The following NOS1 variants were observed in gnomAD, a reference collection of about 807,000 sequenced individuals.
The protein encoded by NOS1 is nitric oxide synthase 1.
A neutral mutation model predicts 164.5 loss-of-function variants in NOS1; 51 were observed. The ratio of observed to expected loss-of-function variants is 0.31; its 90% confidence interval spans 0.25 to 0.39. NOS1 has a LOEUF of 0.39. Ranked by LOEUF, NOS1 falls within the 10% of genes least tolerant of loss-of-function variation. The pLI, the probability that NOS1 is intolerant of heterozygous loss-of-function variation, is 1.00. For synonymous variants in NOS1, 719 were observed against 745.8 expected (o/e 0.96, Z 0.59); for missense variants, 1,362 against 1,885.6 (o/e 0.72, Z 5.14).
At chr12:117,316,263 G>A (rs1010822933) in intron 2 of NOS1, among the ~76,000 whole-genome samples, 7 of 151,972 alleles carry the variant, frequency 4.6e-5, no homozygotes, top group African/African-American at 1.7e-4. Flanking sequence ...ACGTGGGGAA[G>A]TCTACACTCA....
At position 117,272,537 on chromosome 12, in the gene NOS1, C is replaced by T; in HGVS notation, c.1687G>A (p.Gly563Arg). The change falls in exon 10 of 29, where the codon GGG (glycine) becomes AGG (arginine). Residue 563 changes from glycine to arginine, a missense_variant. By Grantham distance (125) the Gly-to-Arg change is moderately radical (BLOSUM62 -2). Around this residue, in one of 4 missense-constraint regions of NOS1, gnomAD observed 134 missense variants for 267.3 expected, o/e 0.50. Coordinates refer to ENST00000317775, the MANE Select transcript of NOS1 (RefSeq NM_000620.5). This position sits in a 1 kb window ranked among gnomAD's most constrained non-coding sequence, Gnocchi z 4.3. ...HPKFEWFKDL[G>R]LKWYGLPAVS... ...GCGGGGAGGCCGTACCACTTCAGCC[C>T]CAGGTCCTTGAACCACTCAAACCTG... 6.2e-7 allele frequency: 1 copy of T among 1,614,154 alleles called. No homozygotes were observed. Among genetic ancestry groups the T allele is most frequent in the Non-Finnish European group, 8.5e-7 (1 of 1,180,014 alleles).
chr12:117,312,652 G>T (rs1457135241), intron 2 of NOS1, among the ~76,000 whole-genome samples: 1 of 151,558 alleles, frequency 6.6e-6, no homozygotes, highest in Non-Finnish European at 1.5e-5. Flanking sequence ...CGAACTCCTT[G>T]GTTCAAGTGG....
intron 1 of NOS1, among the ~76,000 whole-genome samples, chr12:117,347,046 G>A (rs1876386591): frequency 6.6e-6 from 1 of 152,240 alleles, no homozygotes; most frequent in Middle Eastern, 3.4e-3. Context: ...CAGCACTTTG[G>A]GAGGCCAAGG....
intron 7 of NOS1, among the ~76,000 whole-genome samples, chr12:117,284,943 G>C (rs958032523): frequency 2.0e-5 from 3 of 151,586 alleles, no homozygotes; most frequent in Admixed American, 6.6e-5. Flanking sequence ...CCAGCTACTC[G>C]GTAGGCTGAG....
In NOS1 at chr12:117,213,505, G is replaced by C. The variant is rs1206451815; in HGVS notation, c.*1804C>G. On this transcript the variant is annotated 3_prime_UTR_variant, in exon 29 of 29. Coordinates refer to ENST00000317775, the MANE Select transcript of NOS1 (RefSeq NM_000620.5). ...CAGGAACAGGACACCGGTGGGGGCT[G>C]CCAGGGATGGCAGAGCAAGGTGAGT... is the stretch of plus-strand genomic sequence containing the variant. 5.1e-6 allele frequency: 5 copies of C among 985,338 alleles called. No individual in the cohort carries two copies. The highest frequency in any genetic ancestry group is 6.0e-6 in the Non-Finnish European group (5 of 829,982). The allele number at this position is 985,338 out of a possible 1,614,324, so 61.0% of individuals were successfully genotyped here.
intron 20 of NOS1, among the ~76,000 whole-genome samples, chr12:117,240,835 C>G (rs1870104240): frequency 6.6e-6 from 1 of 152,194 alleles, no homozygotes; most frequent in African/African-American, 2.4e-5. Context: ...GGATTAGAAC[C>G]CAGGACTGCT....
chr12:117,211,503 TC>T lies in NOS1; in HGVS notation c.*3805del. The stretch of plus-strand genomic sequence containing the variant: ...CTTTTTGAAAAACATTCTTAGGGAC[TC>T]CCTGTTGCCTTCTGAATAAAGCCTA... On this transcript the variant is annotated 3_prime_UTR_variant, in exon 29 of 29. Coordinates refer to ENST00000317775, the MANE Select transcript of NOS1 (RefSeq NM_000620.5). 1.0e-6 allele frequency: 1 copy of T among 984,308 alleles called. No individual in the cohort carries two copies. The highest frequency in any genetic ancestry group is 1.7e-5 in the African/African-American group (1 of 57,312). The allele number at this position is 984,308 out of a possible 1,614,324, so 61.0% of individuals were successfully genotyped here. A position where few individuals can be genotyped will look rare whatever the true frequency, so the allele number is the denominator to read the frequency against.
chr12:117,280,438 C>T (rs1332491387), intron 8 of NOS1, among the ~76,000 whole-genome samples: 2 of 152,086 alleles, frequency 1.3e-5, no homozygotes, highest in Admixed American at 1.3e-4. Context: ...ATTTGGCAGT[C>T]TTGAGTAACT....
chr12:117,332,232 C>G (rs114953881), intron 1 of NOS1, among the ~76,000 whole-genome samples: 2 of 152,130 alleles, frequency 1.3e-5, no homozygotes, highest in Admixed American at 6.5e-5. Flanking sequence ...AGACTAAACA[C>G]GGCAGACACT....
chr12:117,276,054 G>T (rs1283835809), intron 9 of NOS1, among the ~76,000 whole-genome samples: 1 of 151,950 alleles, frequency 6.6e-6, no homozygotes, highest in Non-Finnish European at 1.5e-5. Flanking sequence ...TTTAATTTTT[G>T]TGGGTACATA....
At chr12:117,233,034 CTTTTTTTTTTTT>C (rs34474757) in intron 21 of NOS1, among the ~76,000 whole-genome samples, 2 of 88,366 alleles carry the variant, frequency 2.3e-5, no homozygotes, top group Non-Finnish European at 4.0e-5. Flanking sequence ...TGCCTCACTA[CTTTTTTTTTTTT>C]TTTTTTTTTT....
intron 3 of NOS1, among the ~76,000 whole-genome samples, chr12:117,299,367 G>C (rs540794683): frequency 6.6e-6 from 1 of 152,078 alleles, no homozygotes. Context: ...GGCCGGGCGC[G>C]GTGGCTCACG....
At chr12:117,347,374 T>TG (rs1876403045) in intron 1 of NOS1, among the ~76,000 whole-genome samples, 1 of 152,052 alleles carries the variant, frequency 6.6e-6, no homozygotes, top group African/African-American at 2.4e-5. Flanking sequence ...CTGGCTTTCT[T>TG]GGAGCCATGG....
chr12:117,358,912 G>A (rs970497030), intron 1 of NOS1, among the ~76,000 whole-genome samples: 2 of 152,228 alleles, frequency 1.3e-5, no homozygotes, highest in Admixed American at 1.3e-4. Flanking sequence ...GCCAGACTGC[G>A]TAGATGCCCA....
In NOS1 at chr12:117,243,514, T is replaced by C; in HGVS notation, c.2824-79A>G. Reference sequence around the variant, plus strand: ...TCCAACAGCTCCAAGTCATGGCATGTATCTCTTCATTCACCCATCCATCCA... The same window carrying C: ...TCCAACAGCTCCAAGTCATGGCATGCATCTCTTCATTCACCCATCCATCCA... On this transcript the variant is annotated intron_variant, in intron 18 of 28. Coordinates refer to ENST00000317775, the MANE Select transcript of NOS1 (RefSeq NM_000620.5). The surrounding 1 kb of genome is among the most constrained non-coding windows in gnomAD (Gnocchi z 4.3). The C allele has an allele frequency of 2.0e-6, 3 of 1,505,802 alleles. No homozygotes were observed. The highest frequency in any genetic ancestry group is 4.6e-5 in the East Asian group (2 of 43,614). 93.3% of individuals were successfully genotyped at this position (1,505,802 alleles called of 1,614,324 possible).
At chr12:117,288,007 G>A (rs1872815099) in intron 5 of NOS1, 67 bp downstream of exon 5, 4 of 1,592,106 alleles carry the variant, frequency 2.5e-6, no homozygotes, top group African/African-American at 2.7e-5. Flanking sequence ...GCAAAGTTGG[G>A]GCTGACATCT....
At chr12:117,299,595 C>T (rs1230825769) in intron 3 of NOS1, among the ~76,000 whole-genome samples, 2 of 148,364 alleles carry the variant, frequency 1.3e-5, no homozygotes, top group African/African-American at 2.5e-5. Flanking sequence ...GCCGAGATCG[C>T]GCCACCGCAC....
chr12:117,327,413 A>G (rs1252931526), intron 2 of NOS1, among the ~76,000 whole-genome samples: 1 of 152,170 alleles, frequency 6.6e-6, no homozygotes, highest in Non-Finnish European at 1.5e-5. Context: ...ATTTAACTCT[A>G]TGGCATGAGC....
At chr12:117,229,593 T>TATCTATCTATC (rs1491229454) in intron 22 of NOS1, among the ~76,000 whole-genome samples, 1 of 152,082 alleles carries the variant, frequency 6.6e-6, no homozygotes, top group Non-Finnish European at 1.5e-5. Context: ...TCTATCTATC[T>TATCTATCTATC]ATCTATCTAT....
Sources: gnomAD v4.1 joint callset for allele counts (sites outside exome capture counted in the v4.1 genomes callset) on GRCh38, gnomAD v4.1.1 for gene constraint, gnomAD v4.1.1 regional missense constraint, Gnocchi (gnomAD v3.1) non-coding constraint, MANE v1.5 for transcripts, NCBI Gene and HGNC (gene_info 2026-07-23, HGNC 2026-07-21) for gene names.